The following ERG28 variants were observed in gnomAD, a reference collection of about 807,000 sequenced individuals.
ERG28 encodes ergosterol biosynthesis 28 homolog.
In ERG28, 9 loss-of-function variants were observed where a neutral mutation model predicts 15.7. The observed-to-expected ratio is 0.57, with a 90% CI of 0.35 to 1.00. The LOEUF is 1.00. Ranked by LOEUF, ERG28 falls within the 50% of genes least tolerant of loss-of-function variation. The pLI is 0.02. For missense variants in ERG28, 117 were observed against 173.3 expected, an observed-to-expected ratio of 0.68 and a Z score of 1.82; for synonymous variants, 61 against 68.4, an observed-to-expected ratio of 0.89 and a Z score of 0.53.
chr14:75,658,951 T>C (rs1190230755), intron 1 of ERG28, among the ~76,000 whole-genome samples: 2 of 152,196 alleles, frequency 1.3e-5, no homozygotes, highest in Non-Finnish European at 2.9e-5. Flanking sequence ...TTAGGACTAG[T>C]AAGAAAATTA....
chr14:75,659,900 C>T (rs1259920415), intron 1 of ERG28, among the ~76,000 whole-genome samples: 1 of 147,240 alleles, frequency 6.8e-6, no homozygotes, highest in Admixed American at 6.7e-5. Context: ...CCCAAACAAG[C>T]AATAAAGAGA....
chr14:75,660,217 A>C (rs2140067434), intron 1 of ERG28, among the ~76,000 whole-genome samples: 1 of 152,316 alleles, frequency 6.6e-6, no homozygotes, highest in East Asian at 1.9e-4. Flanking sequence ...AGCACTTCTG[A>C]ATTGCTCTGC....
intron 1 of ERG28, among the ~76,000 whole-genome samples, chr14:75,660,203 C>T (rs1890665280): frequency 6.6e-6 from 1 of 152,224 alleles, no homozygotes; most frequent in Admixed American, 6.5e-5. Context: ...GAGGACAGAG[C>T]CTGAGCACTT....
In ERG28 at chr14:75,651,088, C is replaced by T. The variant is rs1890518519; in HGVS notation, c.*467G>A. On this transcript the variant is annotated 3_prime_UTR_variant, in exon 5 of 5. Coordinates refer to ENST00000256319, the MANE Select transcript of ERG28 (RefSeq NM_007176.4). ...CTTGGAAGGTTCAGAGTCTTGGGTC[C>T]AGCAGCAGAGAGGAGCCCAACCTGC... The T allele has an allele frequency of 6.3e-6, 1 of 158,512 alleles. No individual in the cohort carries two copies. Among genetic ancestry groups the T allele is most frequent in the Non-Finnish European group, 1.4e-5 (1 of 71,220 alleles). 9.8% of individuals were successfully genotyped at this position (158,512 alleles called of 1,614,324 possible).
intron 3 of ERG28, among the ~76,000 whole-genome samples, chr14:75,654,496 G>A (rs974052919): frequency 6.6e-6 from 1 of 152,180 alleles, no homozygotes; most frequent in Admixed American, 6.5e-5. Flanking sequence ...TTCATGGATT[G>A]TGATTTCTGT....
In ERG28 at chr14:75,657,526, C is replaced by T; in HGVS notation, c.-24G>A. On this transcript the variant is annotated 5_prime_UTR_variant, in exon 2 of 5. Coordinates refer to ENST00000256319, the MANE Select transcript of ERG28 (RefSeq NM_007176.4). ...ATGACTCCCCTCAAACGTGGGAGGG[C>T]TTTTTGCCTTGGAAACAAAGGCAGA... The T allele has an allele frequency of 6.2e-7, 1 of 1,612,918 alleles. No individual in the cohort carries two copies. Among genetic ancestry groups the T allele is most frequent in the Non-Finnish European group, 8.5e-7 (1 of 1,179,316 alleles).
Position 75,651,656 on chromosome 14 carries a change from A to G in ERG28, c.344-22T>C, listed in dbSNP as rs1402682575. On this transcript the variant is annotated intron_variant, in intron 4 of 4. Coordinates refer to ENST00000256319, the MANE Select transcript of ERG28 (RefSeq NM_007176.4). Reference sequence around the variant, plus strand: ...AAACCTTAAATACAGAGGAAAGACTAGTGACTAACATACATACGGTACCTT... The same window carrying G: ...AAACCTTAAATACAGAGGAAAGACTGGTGACTAACATACATACGGTACCTT... 3 of 1,606,272 alleles carry G rather than the reference A, an allele frequency of 1.9e-6. No homozygotes were observed. In the Admixed American group the frequency reaches 5.0e-5, roughly 27 times the overall value.
At chr14:75,652,815 ACC>A (rs1890544512) in intron 3 of ERG28, among the ~76,000 whole-genome samples, 1 of 116,412 alleles carries the variant, frequency 8.6e-6, no homozygotes, top group Non-Finnish European at 1.8e-5. Context: ...ATATTTTTAC[ACC>A]TTTTTTTTTT....
intron 4 of ERG28, 41 bp from the exon 5 acceptor site, chr14:75,651,675 G>A: frequency 6.3e-7 from 1 of 1,598,364 alleles, no homozygotes; most frequent in Middle Eastern, 1.7e-4. Context: ...CATACATACG[G>A]TACCTTTCTT....
In ERG28 at chr14:75,651,624, G is replaced by T; in HGVS notation, c.354C>A (p.Ile118=). ...ACCGGAGCCCGACCAGCATACCCAG[G>T]ATGGAGAAACCTTAAATACAGAGGA... ...LAPLMVASFS[I]LGMLVGLRYL... The change falls in exon 5 of 5, where the codon ATC becomes ATA. Residue 118 remains isoleucine, a synonymous_variant. Transcript: ENST00000256319. The T allele has an allele frequency of 6.2e-7, 1 of 1,613,590 alleles. No individual in the cohort carries two copies. Among genetic ancestry groups the T allele is most frequent in the Non-Finnish European group, 8.5e-7 (1 of 1,179,524 alleles).
chr14:75,658,071 G>A (rs1566803104), intron 1 of ERG28, among the ~76,000 whole-genome samples: 2 of 152,170 alleles, frequency 1.3e-5, no homozygotes, highest in Non-Finnish European at 2.9e-5. Context: ...GGACTGAACA[G>A]AGCCCCTCTT....
intron 3 of ERG28, among the ~76,000 whole-genome samples, chr14:75,653,740 C>T (rs1409307446): frequency 6.6e-6 from 1 of 152,022 alleles, no homozygotes; most frequent in Non-Finnish European, 1.5e-5. Context: ...TTGTTCAATC[C>T]TCCCTTCCTC....
intron 1 of ERG28, among the ~76,000 whole-genome samples, chr14:75,660,122 A>G (rs1397124444): frequency 6.6e-6 from 1 of 152,308 alleles, no homozygotes; most frequent in East Asian, 1.9e-4. Flanking sequence ...GCACCTCTCC[A>G]CTTTTCTGCA....
intron 2 of ERG28, 94 bp from the exon 3 acceptor site, chr14:75,655,070 G>A (rs1890580617): frequency 7.8e-7 from 1 of 1,283,076 alleles, no homozygotes; most frequent in Non-Finnish European, 1.1e-6. Flanking sequence ...TGGGAGATAG[G>A]GAGCTGGACC....
At chr14:75,653,558 A>G (rs910385227) in intron 3 of ERG28, among the ~76,000 whole-genome samples, 5 of 150,916 alleles carry the variant, frequency 3.3e-5, no homozygotes, top group Non-Finnish European at 5.9e-5. Context: ...CAGGGAGCTG[A>G]GATTGTGCCA....
Position 75,651,158 on chromosome 14 carries a change from T to G in ERG28, c.*397A>C. The G allele has an allele frequency of 6.0e-6, 1 of 167,850 alleles. No individual in the cohort carries two copies. The highest frequency in any genetic ancestry group is 1.4e-4 in the South Asian group (1 of 7,302). The allele number at this position is 167,850 out of a possible 1,614,324, so 10.4% of individuals were successfully genotyped here. ...AGCCCTTGGTCACAGCTGCTCTGGG[T>G]GGGCAGCAGGTTTAAGTTTCATAGT... On this transcript the variant is annotated 3_prime_UTR_variant, in exon 5 of 5. Coordinates refer to ENST00000256319, the MANE Select transcript of ERG28 (RefSeq NM_007176.4).
intron 2 of ERG28, among the ~76,000 whole-genome samples, chr14:75,655,387 G>T (rs547295384): frequency 2.0e-5 from 3 of 152,360 alleles, no homozygotes; most frequent in Admixed American, 1.3e-4. Flanking sequence ...GGCTGATCCA[G>T]GAGAGAACTC....
In ERG28 at chr14:75,649,803, C is replaced by CTT. The variant is rs1890499600; in HGVS notation, c.*1750_*1751dup. ...TGACCTTTTCTTTCACTTCCTAACT[C>CTT]TTCACCATGCTGTGATTACATAGTT... On this transcript the variant is annotated 3_prime_UTR_variant, in exon 5 of 5. Transcript: ENST00000256319. 1 of 152,266 alleles carries CTT rather than the reference C, an allele frequency of 6.6e-6. No individual in the cohort carries two copies. Among genetic ancestry groups the CTT allele is most frequent in the African/African-American group, 2.4e-5 (1 of 41,446 alleles). The allele number at this position is 152,266 out of a possible 1,614,324, so 9.4% of individuals were successfully genotyped here.
chr14:75,659,390 C>T (rs1890644817), intron 1 of ERG28, among the ~76,000 whole-genome samples: 1 of 151,998 alleles, frequency 6.6e-6, no homozygotes, highest in South Asian at 2.1e-4. Context: ...CAGGGTCTTG[C>T]TCTGTCACAC....
Sources: gnomAD v4.1 joint callset for allele counts (sites outside exome capture counted in the v4.1 genomes callset) on GRCh38, gnomAD v4.1.1 for gene constraint, MANE v1.5 for transcripts, NCBI Gene and HGNC (gene_info 2026-07-23, HGNC 2026-07-21) for gene names.